The following PDE1B variants were observed in gnomAD, a reference collection of about 807,000 sequenced individuals.
The protein encoded by PDE1B is dual specificity calcium/calmodulin-dependent 3',5'-cyclic nucleotide phosphodiesterase 1B.
In PDE1B, 13 loss-of-function variants were observed where a neutral mutation model predicts 66.7. The ratio of observed to expected loss-of-function variants is 0.19; its 90% CI spans 0.13 to 0.31. PDE1B has a LOEUF of 0.31. Among genes scored for constraint, PDE1B ranks in the 10% least tolerant of loss-of-function variants. The pLI, the probability that PDE1B is intolerant of heterozygous loss-of-function variation, is 1.00. For synonymous variants in PDE1B, 230 were observed against 253.9 expected, an observed-to-expected ratio of 0.91 and a Z score of 0.90; for missense variants, 485 against 682.3, an observed-to-expected ratio of 0.71 and a Z score of 3.22.
intron 13 of PDE1B, 29 bp from the exon 14 acceptor site, chr12:54,576,542 C>T (rs1365375676): frequency 3.1e-6 from 5 of 1,613,762 alleles, no homozygotes; most frequent in African/African-American, 1.3e-5. Context: ...GGGCTTACCT[C>T]TTGCGGCTTT....
intron 2 of PDE1B, among the ~76,000 whole-genome samples, chr12:54,565,393 T>G (rs1592375060): frequency 6.6e-6 from 1 of 152,240 alleles, no homozygotes; most frequent in Non-Finnish European, 1.5e-5. Context: ...CGTACCTCTT[T>G]GTTCTGTGAT....
In PDE1B at chr12:54,573,572, A is replaced by T; in HGVS notation, c.963-36A>T. 6.2e-7 allele frequency: 1 copy of T among 1,610,832 alleles called. No individual in the cohort carries two copies. The highest frequency in any genetic ancestry group is 8.5e-7 in the Non-Finnish European group (1 of 1,177,010). On this transcript the variant is annotated intron_variant, in intron 9 of 15. Coordinates refer to ENST00000243052, the MANE Select transcript of PDE1B (RefSeq NM_000924.4). The surrounding 1 kb of genome is among the most constrained non-coding windows in gnomAD (Gnocchi z 5.2). ...CTGGACCTCCTGCCCAGCAGCGCTG[A>T]GGGGACTGATTGCTTCTCTTTTTAT...
chr12:54,572,747 TGCCCTGGA>T lies in PDE1B; in HGVS notation c.735+8_735+15del. On this transcript the variant is annotated splice_region_variant and intron_variant, in intron 7 of 15. Coordinates refer to ENST00000243052, the MANE Select transcript of PDE1B (RefSeq NM_000924.4). ...TGCTCCGCACAGGGATGGTGGTAGGTGCCCTGGAGATGATTCTTCTGTGATTCAGGGCC... is the reference window on the plus strand; with the variant it reads ...TGCTCCGCACAGGGATGGTGGTAGGTGATGATTCTTCTGTGATTCAGGGCC... The T allele has an allele frequency of 6.2e-7, 1 of 1,613,710 alleles. No homozygotes were observed. Among genetic ancestry groups the T allele is most frequent in the East Asian group, 2.2e-5 (1 of 44,872 alleles).
Position 54,573,776 on chromosome 12 carries a change from C to T in PDE1B, c.1064+67C>T. On this transcript the variant is annotated intron_variant, in intron 10 of 15. Transcript: ENST00000243052. The surrounding 1 kb of genome is among the most constrained non-coding windows in gnomAD (Gnocchi z 5.2). The stretch of plus-strand genomic sequence containing the variant: ...GGGGTGTGTGAACTGGGGGGGTATA[C>T]ACAAGGGTAGTTGGTGTGCCAGGTC... The T allele has an allele frequency of 8.6e-7, 1 of 1,162,388 alleles. No homozygotes were observed. The highest frequency in any genetic ancestry group is 1.3e-6 in the Non-Finnish European group (1 of 773,402). 72.0% of individuals were successfully genotyped at this position (1,162,388 alleles called of 1,614,324 possible).
intron 3 of PDE1B, among the ~76,000 whole-genome samples, 160 bp downstream of exon 3, chr12:54,567,247 G>C (rs2121106682): frequency 6.6e-6 from 1 of 152,190 alleles, no homozygotes; most frequent in South Asian, 2.1e-4. Flanking sequence ...GCTCACACCT[G>C]TAATCCTAGC....
In PDE1B at chr12:54,575,301, C is replaced by A; in HGVS notation, c.1185+83C>A. ...CTCCAAGTTCCCCAATCCTGTTCCA[C>A]ATCCTCCTTTTGCTACCTGTAGTCT... is the stretch of plus-strand genomic sequence containing the variant. On this transcript the variant is annotated intron_variant, in intron 11 of 15. Coordinates refer to ENST00000243052, the MANE Select transcript of PDE1B (RefSeq NM_000924.4). The surrounding 1 kb of genome is among the most constrained non-coding windows in gnomAD (Gnocchi z 4.0). The A allele has an allele frequency of 8.0e-7, 1 of 1,257,726 alleles. No homozygotes were observed. The highest frequency in any genetic ancestry group is 1.2e-6 in the Non-Finnish European group (1 of 866,488). 77.9% of individuals were successfully genotyped at this position (1,257,726 alleles called of 1,614,324 possible).
In PDE1B at chr12:54,570,272, C is replaced by T; in HGVS notation, c.509C>T (p.Ser170Phe). Residue 170 changes from serine (S) to phenylalanine (F), a missense_variant, in exon 6 of 16, where the codon TCC becomes TTC. By Grantham distance (155) the Ser-to-Phe change is radical. Around this residue, in one of 4 missense-constraint regions of PDE1B, gnomAD observed 282 missense variants for 453.4 expected, o/e 0.62. Coordinates refer to ENST00000243052, the MANE Select transcript of PDE1B (RefSeq NM_000924.4). ...GATCTCTGGTGCTTTGATGTCTTTT[C>T]CTTGAACCAGGCAGCAGATGACCAT... ...NLDLWCFDVF[S>F]LNQAADDHAL... 6.2e-7 allele frequency: 1 copy of T among 1,613,328 alleles called. No individual in the cohort carries two copies. The highest frequency in any genetic ancestry group is 8.5e-7 in the Non-Finnish European group (1 of 1,179,280).
At chr12:54,570,967 A>C (rs1957605856) in intron 6 of PDE1B, 1 of 152,522 alleles carries the variant, frequency 6.6e-6, no homozygotes, top group African/African-American at 2.4e-5. Context: ...CAGGAAAAAA[A>C]CAAAACACTT....
At position 54,561,786 on chromosome 12, in the gene PDE1B, G is replaced by A. The variant is rs1324619763; in HGVS notation, c.114-5188G>A. On this transcript the variant is annotated intron_variant, in intron 2 of 15. Transcript: ENST00000243052. ...CGTGTGTGTGTGTGTGTGTGTGCGCGTGCCAACTTCACCTTTTACTCTGTC... is the reference window on the plus strand; with the variant it reads ...CGTGTGTGTGTGTGTGTGTGTGCGCATGCCAACTTCACCTTTTACTCTGTC... The A allele has an allele frequency of 1.0e-5, 5 of 479,714 alleles. No homozygotes were observed. In the Admixed American group the frequency reaches 1.1e-4, roughly 10 times the overall value. The allele number at this position is 479,714 out of a possible 1,614,324, so 29.7% of individuals were successfully genotyped here.
Position 54,573,222 on chromosome 12 carries a change from T to C in PDE1B, c.810T>C (p.Thr270=), listed in dbSNP as rs1957649484. ...AAIHDYEHTG[T]TNSFHIQTKS... is the part of the protein sequence containing the mutation. ...TCCATGATTATGAGCACACGGGCACTACCAACAGCTTCCACATCCAGACCA... is the reference window on the plus strand; with the variant it reads ...TCCATGATTATGAGCACACGGGCACCACCAACAGCTTCCACATCCAGACCA... Residue 270 remains threonine, a synonymous_variant, in exon 8 of 16, where the codon ACT becomes ACC. Transcript: ENST00000243052. The surrounding 1 kb of genome is among the most constrained non-coding windows in gnomAD (Gnocchi z 5.2). The C allele has an allele frequency of 1.2e-6, 2 of 1,613,872 alleles. No homozygotes were observed. The highest frequency in any genetic ancestry group is 3.3e-5 in the Admixed American group (2 of 59,988).
chr12:54,563,886 C>T (rs1271802340), intron 2 of PDE1B, among the ~76,000 whole-genome samples: 4 of 152,060 alleles, frequency 2.6e-5, no homozygotes, highest in African/African-American at 9.7e-5. Flanking sequence ...GTGGCTCACA[C>T]CTGTAATGCT....
chr12:54,574,443 C>G (rs986737894), intron 10 of PDE1B: 1 of 152,362 alleles, frequency 6.6e-6, no homozygotes, highest in African/African-American at 2.4e-5. Context: ...CAGAACCACT[C>G]GATATGTGGT....
chr12:54,577,281 C>T lies in PDE1B; in HGVS notation c.1564C>T (p.Pro522Ser). The T allele has an allele frequency of 6.2e-7, 1 of 1,613,994 alleles. No homozygotes were observed. The highest frequency in any genetic ancestry group is 1.1e-5 in the South Asian group (1 of 91,064). ...ELSPCEEEAP[P>S]SPAEDEHNQN... ...GTCCCCCTGTGAAGAAGAGGCCCCC[C>T]CATCCCCTGCCGAAGATGAACACAA... Residue 522 changes from proline (P) to serine (S), a missense_variant, in exon 15 of 16, where the codon CCA becomes TCA. Pro to Ser is a moderately conservative substitution (Grantham distance 74, BLOSUM62 -1). Transcript: ENST00000243052.
At chr12:54,559,933 T>C (rs1313906863) in intron 2 of PDE1B, among the ~76,000 whole-genome samples, 1 of 152,152 alleles carries the variant, frequency 6.6e-6, no homozygotes, top group Non-Finnish European at 1.5e-5. Flanking sequence ...AAATGACCTG[T>C]CCTCATCTCC....
chr12:54,560,225 T>C (rs1225852019), intron 2 of PDE1B, among the ~76,000 whole-genome samples: 1 of 152,192 alleles, frequency 6.6e-6, no homozygotes, highest in Non-Finnish European at 1.5e-5. Context: ...AACAGCAGGT[T>C]CCCAAACTTC....
At position 54,576,689 on chromosome 12, in the gene PDE1B, C is replaced by T. The variant is rs747488649; in HGVS notation, c.1495C>T (p.Arg499Trp). ...IQENKQKWKE[R>W]AASGITNQMS... Reference sequence around the variant, plus strand: ...GGAGAATAAGCAGAAATGGAAGGAACGGGCAGCAAGTGGTGGGTACCATGG... The same window carrying T: ...GGAGAATAAGCAGAAATGGAAGGAATGGGCAGCAAGTGGTGGGTACCATGG... The change falls in exon 14 of 16, where the codon CGG becomes TGG. Residue 499 changes from arginine to tryptophan, a missense_variant. By Grantham distance (101) the Arg-to-Trp change is moderately radical. This residue lies in a region of PDE1B where 126 missense variants were observed against 133.8 expected (regional missense o/e 0.94). Coordinates refer to ENST00000243052, the MANE Select transcript of PDE1B (RefSeq NM_000924.4). 20 of 1,608,312 alleles carry T rather than the reference C, an allele frequency of 1.2e-5. No homozygotes were observed. The highest frequency in any genetic ancestry group is 2.2e-5 in the East Asian group (1 of 44,736).
Position 54,549,605 on chromosome 12 carries a change from C to CGCGGCG in PDE1B, c.-170_-165dup, listed in dbSNP as rs1047423379. ...AGGCGAGGAGGCGGCTCTGGCAGCG[C>CGCGGCG]GCGGCGGCGGCGGCGGTAGCGGCAG... is the stretch of plus-strand genomic sequence containing the variant. On this transcript the variant is annotated 5_prime_UTR_variant, in exon 1 of 16. Coordinates refer to ENST00000243052, the MANE Select transcript of PDE1B (RefSeq NM_000924.4). 1.6e-4 allele frequency: 72 copies of CGCGGCG among 448,766 alleles called. 1 individual carries two copies. Among genetic ancestry groups the CGCGGCG allele is most frequent in the African/African-American group, 1.5e-3 (71 of 48,184 alleles). 27.8% of individuals were successfully genotyped at this position (448,766 alleles called of 1,614,324 possible). A position where few individuals can be genotyped will look rare whatever the true frequency, so the allele number is the denominator to read the frequency against.
At chr12:54,576,768 C>A (rs1174449363) in intron 14 of PDE1B, 67 bp downstream of exon 14, 8 of 1,512,880 alleles carry the variant, frequency 5.3e-6, no homozygotes, top group Non-Finnish European at 7.2e-6. Flanking sequence ...CTAGGAGGTC[C>A]ATTTTTCTTA....
chr12:54,564,801 A>T (rs1443083561), intron 2 of PDE1B, among the ~76,000 whole-genome samples: 1 of 152,156 alleles, frequency 6.6e-6, no homozygotes, highest in African/African-American at 2.4e-5. Flanking sequence ...AAAAGCACCG[A>T]TTAAGAGTTA....
Sources: allele counts gnomAD v4.1 joint callset (sites outside exome capture counted in the v4.1 genomes callset), GRCh38; gene constraint gnomAD v4.1.1; regional missense constraint gnomAD v4.1.1; non-coding constraint Gnocchi (gnomAD v3.1); transcripts MANE v1.5; gene names NCBI Gene and HGNC (gene_info 2026-07-23, HGNC 2026-07-21).